Variants in GPT observed in about 807,000 individuals in gnomAD.
GPT encodes glutamic--pyruvic transaminase, also known as alanine aminotransferase 1.
Under a neutral mutation model 51.4 loss-of-function variants are expected in GPT, and 60 were observed. The ratio of observed to expected loss-of-function variants is 1.17; its 90% CI spans 0.95 to 1.45. The LOEUF (loss-of-function observed/expected upper bound fraction) is 1.45. Ranked by LOEUF, GPT falls within the 40% of genes most tolerant of loss-of-function variation. The pLI, the probability that GPT is intolerant of heterozygous loss-of-function variation, is 0.00. For missense variants in GPT, 853 were observed against 704.0 expected (o/e 1.21, Z -2.40); for synonymous variants, 397 against 303.1 (o/e 1.31, Z -3.22).
rs1051996668 is a variant in GPT at position 144,504,868 on chromosome 8, G to A, written c.350G>A (p.Gly117Asp). ...GAGCGCATCTTGCAGGCGTGTGGGG[G>A]CCACAGTCTGGGTGAGAGCCAGGGC... ...RAERILQACG[G>D]HSLGAYSVSS... Residue 117 changes from glycine (G) to aspartate (D), a missense_variant, in exon 3 of 11, where the codon GGC becomes GAC. Transcript: ENST00000394955. 1.1e-5 allele frequency: 18 copies of A among 1,613,104 alleles called. No individual in the cohort carries two copies. Among genetic ancestry groups the A allele is most frequent in the Non-Finnish European group, 1.4e-5 (17 of 1,180,014 alleles).
chr8:144,505,235 C>T lies in GPT; in HGVS notation c.496-11C>T. ...GCCTCGCCAACCCTGCCTTCCCCTTCCTTTCCGCAGACGGTGCTGAAGCTG... is the reference window on the plus strand; with the variant it reads ...GCCTCGCCAACCCTGCCTTCCCCTTTCTTTCCGCAGACGGTGCTGAAGCTG... On this transcript the variant is annotated splice_polypyrimidine_tract_variant and intron_variant, in intron 4 of 10. Transcript: ENST00000394955. 1.2e-6 allele frequency: 2 copies of T among 1,609,696 alleles called. No homozygotes were observed. The highest frequency in any genetic ancestry group is 1.1e-5 in the South Asian group (1 of 90,702).
In GPT at chr8:144,506,622, TGCAGCTGCCCCCGCGG is replaced by T. The variant is rs991975762; in HGVS notation, c.1256_1271del (p.Gln419ArgfsTer45). Reference sequence around the variant, plus strand: ...GGCGCCATGTACTCCTTCCCGCGCGTGCAGCTGCCCCCGCGGGCGGTGGAGCGCGCTCAGGTCAGGC... The same window carrying T: ...GGCGCCATGTACTCCTTCCCGCGCGTGCGGTGGAGCGCGCTCAGGTCAGGC... On this transcript the variant is annotated frameshift_variant, in exon 9 of 11. Transcript: ENST00000394955. LOFTEE classifies it high-confidence loss of function. The surrounding 1 kb of genome is among the most constrained non-coding windows in gnomAD (Gnocchi z 7.0). The T allele has an allele frequency of 6.8e-7, 1 of 1,470,918 alleles. No homozygotes were observed. The highest frequency in any genetic ancestry group is 9.1e-7 in the Non-Finnish European group (1 of 1,100,598). 91.1% of individuals were successfully genotyped at this position (1,470,918 alleles called of 1,614,324 possible). A position where few individuals can be genotyped will look rare whatever the true frequency, so the allele number is the denominator to read the frequency against.
At position 144,506,460 on chromosome 8, in the gene GPT, C is replaced by G; in HGVS notation, c.1132-41C>G. The G allele has an allele frequency of 6.3e-7, 1 of 1,575,470 alleles. No individual in the cohort carries two copies. The highest frequency in any genetic ancestry group is 8.6e-7 in the Non-Finnish European group (1 of 1,161,772). On this transcript the variant is annotated intron_variant, in intron 8 of 10. Transcript: ENST00000394955. The surrounding 1 kb of genome is among the most constrained non-coding windows in gnomAD (Gnocchi z 7.0). ...TGACCTAATCAGGGGTGGGGGATGC[C>G]GAGTGCCGTGCCCTGATGGGCCCTC... is the stretch of plus-strand genomic sequence containing the variant.
At chr8:144,503,271 G>C (rs1157034528), upstream of GPT, 1 of 152,212 alleles carries the variant, frequency 6.6e-6, no homozygotes, top group Non-Finnish European at 1.5e-5. Context: ...CCATGGTTCA[G>C]GTTTCGGTGC....
Position 144,504,352 on chromosome 8 carries a change from G to T in GPT, c.48G>T (p.Leu16=). ...GGAGCCAGGCGGTGAGGCATGGACT[G>T]AGGGCGAAGGTGCTGACGCTGGACG... ...GDRSQAVRHG[L]RAKVLTLDGM... is the part of the protein sequence containing the mutation. The change falls in exon 1 of 11, where the codon CTG becomes CTT. Residue 16 remains leucine (L), a synonymous_variant. Transcript: ENST00000394955. The T allele has an allele frequency of 6.2e-7, 1 of 1,611,158 alleles. No homozygotes were observed.
In GPT at chr8:144,505,108, ACAGGGGCCAG is replaced by A. The variant is rs1320664916; in HGVS notation, c.474_483del (p.Gly159MetfsTer4). On this transcript the variant is annotated frameshift_variant, in exon 4 of 11. Transcript: ENST00000394955. LOFTEE classifies it high-confidence loss of function. ...GGACCCCAACAACGTCTTCCTGTCCACAGGGGCCAGCGATGCCATCGTGGTAGGCTGGGCA... is the reference window on the plus strand; with the variant it reads ...GGACCCCAACAACGTCTTCCTGTCCACGATGCCATCGTGGTAGGCTGGGCA... The A allele has an allele frequency of 6.2e-7, 1 of 1,612,968 alleles. No homozygotes were observed. Among genetic ancestry groups the A allele is most frequent in the Non-Finnish European group, 8.5e-7 (1 of 1,180,000 alleles).
chr8:144,504,328 G>A lies in GPT; in HGVS notation c.24G>A (p.Arg8=). 1 of 1,610,126 alleles carries A rather than the reference G, an allele frequency of 6.2e-7. No homozygotes were observed. Among genetic ancestry groups the A allele is most frequent in the Non-Finnish European group, 8.5e-7 (1 of 1,179,886 alleles). The change falls in exon 1 of 11, where the codon CGG becomes CGA. Residue 8 remains arginine, a synonymous_variant. Coordinates refer to ENST00000394955, the MANE Select transcript of GPT (RefSeq NM_005309.3). ...TCATGGCCTCGAGCACAGGTGACCG[G>A]AGCCAGGCGGTGAGGCATGGACTGA... MASSTGD[R]SQAVRHGLRA...
At chr8:144,503,807 CAGTCTCGCCTCGGG>C (rs1265948979), upstream of GPT, 1 of 185,098 alleles carries the variant, frequency 5.4e-6, no homozygotes, top group Non-Finnish European at 1.1e-5. Flanking sequence ...GCCCAGGCTC[CAGTCTCGCCTCGGG>C]GGTCCCTCCT....
chr8:144,506,254 G>A lies in GPT; in HGVS notation c.979G>A (p.Val327Met). ...CAGGTGCGGGTTCCGCGGCGGCTAT[G>A]TGGAGGTGGTGAACATGGACGCTGC... is the stretch of plus-strand genomic sequence containing the variant. Reference protein sequence around the residue: ...MGECGFRGGYVEVVNMDAAVQ... With the variant: ...MGECGFRGGYMEVVNMDAAVQ... Residue 327 changes from valine to methionine, a missense_variant, in exon 8 of 11, where the codon GTG (valine) becomes ATG (methionine). Physicochemically the swap from Val to Met is conservative, Grantham distance 21. Transcript: ENST00000394955. This position sits in a 1 kb window ranked among gnomAD's most constrained non-coding sequence, Gnocchi z 7.0. The A allele has an allele frequency of 1.2e-6, 2 of 1,606,812 alleles. No homozygotes were observed. Among genetic ancestry groups the A allele is most frequent in the East Asian group, 2.2e-5 (1 of 44,806 alleles).
Position 144,507,066 on chromosome 8 carries a change from G to C in GPT, c.*66G>C. The C allele has an allele frequency of 1.5e-6, 1 of 670,754 alleles. No homozygotes were observed. Among genetic ancestry groups the C allele is most frequent in the South Asian group, 1.4e-5 (1 of 72,828 alleles). 41.6% of individuals were successfully genotyped at this position (670,754 alleles called of 1,614,324 possible). A position where few individuals can be genotyped will look rare whatever the true frequency, so the allele number is the denominator to read the frequency against. On this transcript the variant is annotated 3_prime_UTR_variant, in exon 11 of 11. Coordinates refer to ENST00000394955, the MANE Select transcript of GPT (RefSeq NM_005309.3). The stretch of plus-strand genomic sequence containing the variant: ...TGCTCAGGAGCCCTGGGAGGCTCTG[G>C]AGCCCACTGTACTTGCTCTTGATGC...
upstream of GPT, among the ~76,000 whole-genome samples, chr8:144,503,342 G>A (rs546107651): frequency 5.3e-5 from 8 of 152,302 alleles, no homozygotes; most frequent in East Asian, 1.9e-4. Flanking sequence ...CTGTGGAGGT[G>A]GGGCTCTGAC....
intron 4 of GPT, 55 bp downstream of exon 4, chr8:144,505,186 G>T (rs747452460): frequency 8.7e-6 from 14 of 1,612,556 alleles, no homozygotes; most frequent in African/African-American, 1.3e-5. Context: ...GGGCGCCCAG[G>T]GTGGGGGACA....
rs749288207 is a variant in GPT, at chr8:144,506,853, G to A, written c.1400+10G>A. On this transcript the variant is annotated intron_variant, in intron 10 of 10. Transcript: ENST00000394955. This position sits in a 1 kb window ranked among gnomAD's most constrained non-coding sequence, Gnocchi z 7.0. ...GCACCTACCACTTCCGGTGAGGCCT[G>A]GCCCTCACTCCCTGTCCCGCCACCC... 6 of 1,611,800 alleles carry A rather than the reference G, an allele frequency of 3.7e-6. No homozygotes were observed. In the South Asian group the frequency reaches 6.6e-5, roughly 18 times the overall value.
chr8:144,504,973 C>T, intron 3 of GPT, 25 bp from the exon 4 acceptor site: 1 of 1,612,974 alleles, frequency 6.2e-7, no homozygotes, highest in East Asian at 2.2e-5. Flanking sequence ...ACCTGTACTT[C>T]CCATCCTGTC....
chr8:144,506,695 G>T lies in GPT; in HGVS notation c.1288-36G>T, dbSNP rs1467332877. 1 of 1,498,278 alleles carries T rather than the reference G, an allele frequency of 6.7e-7. No homozygotes were observed. Among genetic ancestry groups the T allele is most frequent in the Non-Finnish European group, 9.2e-7 (1 of 1,082,390 alleles). The allele number at this position is 1,498,278 out of a possible 1,614,324, so 92.8% of individuals were successfully genotyped here. A position where few individuals can be genotyped will look rare whatever the true frequency, so the allele number is the denominator to read the frequency against. ...GGGGCCTGCGGGGTGGGCAGGGGGG[G>T]CCGGGCATCCCTCTCTGACGGCTCT... On this transcript the variant is annotated intron_variant, in intron 9 of 10. Transcript: ENST00000394955. The surrounding 1 kb of genome is among the most constrained non-coding windows in gnomAD (Gnocchi z 7.0).
rs1564778768 is a variant in GPT, at chr8:144,506,444, C to T, written c.1131+38C>T. ...CAGGAGGGGGTCCAGGTGACCTAAT[C>T]AGGGGTGGGGGATGCCGAGTGCCGT... is the stretch of plus-strand genomic sequence containing the variant. On this transcript the variant is annotated intron_variant, in intron 8 of 10. Transcript: ENST00000394955. This position sits in a 1 kb window ranked among gnomAD's most constrained non-coding sequence, Gnocchi z 7.0. The T allele has an allele frequency of 6.4e-7, 1 of 1,568,744 alleles. No individual in the cohort carries two copies. The highest frequency in any genetic ancestry group is 1.2e-5 in the South Asian group (1 of 85,878).
chr8:144,504,221 A>T lies in GPT; in HGVS notation c.-84A>T. On this transcript the variant is annotated 5_prime_UTR_variant, in exon 1 of 11. Transcript: ENST00000394955. ...GGCTGCCCCCTCCCAGCCCTGGCCC[A>T]CTAAGCCAGACCCAGCTGTCGCCAT... 2 of 1,481,836 alleles carry T rather than the reference A, an allele frequency of 1.3e-6. No homozygotes were observed. The highest frequency in any genetic ancestry group is 1.8e-6 in the Non-Finnish European group (2 of 1,090,492). 91.8% of individuals were successfully genotyped at this position (1,481,836 alleles called of 1,614,324 possible).
chr8:144,505,905 G>T lies in GPT; in HGVS notation c.797G>T (p.Arg266Leu). Residue 266 changes from arginine to leucine, a missense_variant, in exon 6 of 11, where the codon CGG becomes CTG. By Grantham distance (102) the Arg-to-Leu change is moderately radical. Coordinates refer to ENST00000394955, the MANE Select transcript of GPT (RefSeq NM_005309.3). ...GTGATCCGCTTCGCCTTCGAAGAGCGGCTCTTTCTGCTGGCGGACGAGGTG... is the reference window on the plus strand; with the variant it reads ...GTGATCCGCTTCGCCTTCGAAGAGCTGCTCTTTCTGCTGGCGGACGAGGTG... ...EAVIRFAFEE[R>L]LFLLADEVYQ... 1.2e-6 allele frequency: 2 copies of T among 1,602,640 alleles called. No individual in the cohort carries two copies. The highest frequency in any genetic ancestry group is 1.1e-5 in the South Asian group (1 of 90,032).
Position 144,504,485 on chromosome 8 carries a change from C to T in GPT, c.162+19C>T, listed in dbSNP as rs765501647. ...GCGCCAGGTATGGCCCAGGGCCCCT[C>T]GCTGCCCTCCAGGTCACAATGGGGT... On this transcript the variant is annotated intron_variant, in intron 1 of 10. Transcript: ENST00000394955. 1.8e-5 allele frequency: 29 copies of T among 1,607,072 alleles called. 1 individual carries two copies. Among genetic ancestry groups the T allele is most frequent in the South Asian group, 1.3e-4 (12 of 90,706 alleles).
Sources: allele counts gnomAD v4.1 joint callset (sites outside exome capture counted in the v4.1 genomes callset), GRCh38; gene constraint gnomAD v4.1.1; non-coding constraint Gnocchi (gnomAD v3.1); transcripts MANE v1.5; gene names NCBI Gene and HGNC (gene_info 2026-07-23, HGNC 2026-07-21).